TXNL1: variants seen among roughly 807,000 people sequenced by gnomAD.
TXNL1 encodes the protein thioredoxin like 1, also known as thioredoxin-like protein 1.
TXNL1 carries 14 observed loss-of-function variants against 35.5 expected under a neutral mutation model. The ratio of observed to expected loss-of-function variants is 0.39; its 90% CI spans 0.26 to 0.62. The LOEUF (loss-of-function observed/expected upper bound fraction) is 0.62, where lower values mean the gene tolerates loss of function less well. TXNL1 is among the 20% of genes least tolerant of loss of function. The pLI, the probability that TXNL1 is intolerant of heterozygous loss-of-function variation, is 0.47. For missense variants in TXNL1, 263 were observed against 349.7 expected, an observed-to-expected ratio of 0.75 and a Z score of 1.98; for synonymous variants, 110 against 115.5, an observed-to-expected ratio of 0.95 and a Z score of 0.31.
At chr18:56,615,593 T>A (rs751195041) in intron 5 of TXNL1, among the ~76,000 whole-genome samples, 1 of 151,996 alleles carries the variant, frequency 6.6e-6, no homozygotes, top group Non-Finnish European at 1.5e-5. Flanking sequence ...AACAGGAATA[T>A]CTGGAGCCTC....
intron 6 of TXNL1, 58 bp from the exon 7 acceptor site, chr18:56,611,155 G>A: frequency 1.7e-6 from 2 of 1,144,638 alleles, no homozygotes; most frequent in Non-Finnish European, 2.5e-6. Context: ...CATGCTTTAA[G>A]TTTAATCAAT....
At chr18:56,619,981 A>AT (rs1444602496) in intron 3 of TXNL1, among the ~76,000 whole-genome samples, 2 of 151,610 alleles carry the variant, frequency 1.3e-5, no homozygotes, top group Non-Finnish European at 2.9e-5. Flanking sequence ...TATTATTATT[A>AT]TTTTTTTGAG....
At position 56,614,478 on chromosome 18, in the gene TXNL1, T is replaced by A. The variant is rs183809743; in HGVS notation, c.681A>T (p.Glu227Asp). The change falls in exon 6 of 8, where the codon GAA (glutamate) becomes GAT (aspartate). Residue 227 changes from glutamate (E) to aspartate (D), a missense_variant. By Grantham distance (45) the Glu-to-Asp change is conservative (BLOSUM62 2). Transcript: ENST00000217515. ...CATAACGAAGTGGAACAATGCCATCTTCTTTAATATCATCCTCTGTCAGTT... is the reference window on the plus strand; with the variant it reads ...CATAACGAAGTGGAACAATGCCATCATCTTTAATATCATCCTCTGTCAGTT... ...ALELTEDDIK[E>D]DGIVPLRYVK... is the part of the protein sequence containing the mutation. 192 of 1,613,966 alleles carry A rather than the reference T, an allele frequency of 1.2e-4. 1 individual carries two copies. Among genetic ancestry groups the A allele is most frequent in the Admixed American group, 1.1e-3 (68 of 60,018 alleles).
chr18:56,605,794 T>C (rs969057942), intron 7 of TXNL1, among the ~76,000 whole-genome samples: 4 of 152,186 alleles, frequency 2.6e-5, no homozygotes, highest in African/African-American at 9.7e-5. Flanking sequence ...ACCTTCAAAG[T>C]TGTAATAGCA....
At chr18:56,610,913 G>T in intron 7 of TXNL1, 80 bp downstream of exon 7, 1 of 904,298 alleles carries the variant, frequency 1.1e-6, no homozygotes, top group Non-Finnish European at 1.6e-6. Flanking sequence ...TTAAAAGAAA[G>T]TGTGACAGTT....
At chr18:56,604,966 A>G (rs1316253517) in intron 7 of TXNL1, among the ~76,000 whole-genome samples, 1 of 152,248 alleles carries the variant, frequency 6.6e-6, no homozygotes, top group East Asian at 1.9e-4. Context: ...TTTTATAACA[A>G]TTTAATTTTA....
chr18:56,603,139 A>C (rs1005992988), intron 7 of TXNL1, 83 bp from the exon 8 acceptor site: 1 of 1,261,808 alleles, frequency 7.9e-7, no homozygotes. Context: ...TCAGTTTAAA[A>C]CCTTGGTATT....
Position 56,603,034 on chromosome 18 carries a change from C to T in TXNL1, c.863G>A (p.Ser288Asn), listed in dbSNP as rs370637038. Residue 288 changes from serine to asparagine, a missense_variant, in exon 8 of 8, where the codon AGC (serine) becomes AAC (asparagine). Transcript: ENST00000217515. ...TCCAGTGTCTTTTGTACCTTAGTGG[C>T]TTTCTCCTTTTTTGCCAACTACCTA... ...FKRVVGKKGE[S>N]H The T allele has an allele frequency of 1.2e-6, 2 of 1,613,632 alleles. No individual in the cohort carries two copies. The highest frequency in any genetic ancestry group is 1.7e-6 in the Non-Finnish European group (2 of 1,179,856).
chr18:56,638,048 A>G (rs2144348490), intron 1 of TXNL1, among the ~76,000 whole-genome samples: 1 of 152,318 alleles, frequency 6.6e-6, no homozygotes, highest in South Asian at 2.1e-4. Context: ...GGCTGGAAGG[A>G]ATAGGGGCGG....
chr18:56,624,184 C>T (rs1015701234), intron 3 of TXNL1, 104 bp downstream of exon 3: 2 of 1,268,860 alleles, frequency 1.6e-6, no homozygotes, highest in African/African-American at 1.5e-5. Context: ...GTATTCTAAA[C>T]CAGTAAGAGA....
chr18:56,623,778 TA>T (rs1458177576), intron 3 of TXNL1, among the ~76,000 whole-genome samples: 1 of 151,932 alleles, frequency 6.6e-6, no homozygotes, highest in African/African-American at 2.4e-5. Flanking sequence ...AATTTGATTC[TA>T]AAACAAAATC....
chr18:56,618,195 ATC>A lies in TXNL1; in HGVS notation c.370-71_370-70del, dbSNP rs989115172. The stretch of plus-strand genomic sequence containing the variant: ...GTATAAAAATGTTTAAAAAATTTAA[ATC>A]TCTGATTCTCTTTAGGCAATTTTAA... On this transcript the variant is annotated intron_variant, in intron 3 of 7. Coordinates refer to ENST00000217515, the MANE Select transcript of TXNL1 (RefSeq NM_004786.3). 501 of 1,500,984 alleles carry A rather than the reference ATC, an allele frequency of 3.3e-4. 1 individual carries two copies. Among genetic ancestry groups the A allele is most frequent in the Non-Finnish European group, 4.4e-4 (484 of 1,102,390 alleles). 93.0% of individuals were successfully genotyped at this position (1,500,984 alleles called of 1,614,324 possible).
At chr18:56,637,010 A>ATCC (rs1397852001) in intron 1 of TXNL1, among the ~76,000 whole-genome samples, 1 of 152,198 alleles carries the variant, frequency 6.6e-6, no homozygotes, top group Non-Finnish European at 1.5e-5. Context: ...GGTGTTTTAT[A>ATCC]TATATGACAT....
intron 3 of TXNL1, among the ~76,000 whole-genome samples, chr18:56,621,620 G>A (rs1017658047): frequency 1.3e-5 from 2 of 152,202 alleles, no homozygotes; most frequent in African/African-American, 4.8e-5. Context: ...AACCTGCAAT[G>A]AGAAATAAAT....
rs2023812600 is a variant in TXNL1, at chr18:56,601,738, T to C, written c.*1289A>G. The C allele has an allele frequency of 6.6e-6, 1 of 152,174 alleles. No individual in the cohort carries two copies. Among genetic ancestry groups the C allele is most frequent in the African/African-American group, 2.4e-5 (1 of 41,456 alleles). The allele number at this position is 152,174 out of a possible 1,614,324, so 9.4% of individuals were successfully genotyped here. On this transcript the variant is annotated 3_prime_UTR_variant, in exon 8 of 8. Coordinates refer to ENST00000217515, the MANE Select transcript of TXNL1 (RefSeq NM_004786.3). ...ATTCCTAGACAAGAATGCCCTCAAA[T>C]GTTTAACTGAATCACAATTTTACAG... is the stretch of plus-strand genomic sequence containing the variant.
chr18:56,635,864 C>T (rs1321114181), intron 1 of TXNL1, among the ~76,000 whole-genome samples: 1 of 152,130 alleles, frequency 6.6e-6, no homozygotes, highest in Admixed American at 6.5e-5. Flanking sequence ...TAACCTACGA[C>T]CATTCTCCCA....
intron 1 of TXNL1, among the ~76,000 whole-genome samples, chr18:56,632,827 G>C (rs1442491259): frequency 6.6e-6 from 1 of 152,136 alleles, no homozygotes; most frequent in Non-Finnish European, 1.5e-5. Flanking sequence ...AAGCAACTCT[G>C]TTCTCCAGGG....
intron 7 of TXNL1, chr18:56,610,306 C>T (rs1037665322): frequency 4.6e-5 from 7 of 152,250 alleles, no homozygotes; most frequent in African/African-American, 1.7e-4. Flanking sequence ...TTAAGAGTGA[C>T]GCTAGGGAAC....
At chr18:56,625,007 A>G (rs747023785) in intron 2 of TXNL1, among the ~76,000 whole-genome samples, 7 of 152,212 alleles carry the variant, frequency 4.6e-5, no homozygotes, top group Non-Finnish European at 7.4e-5. Context: ...ATTCTGTCCT[A>G]GCTCCACAAT....
Sources: gnomAD v4.1 joint callset for allele counts (sites outside exome capture counted in the v4.1 genomes callset) on GRCh38, gnomAD v4.1.1 for gene constraint, MANE v1.5 for transcripts, NCBI Gene and HGNC (gene_info 2026-07-23, HGNC 2026-07-21) for gene names.